MTDH: variants seen among roughly 807,000 people sequenced by gnomAD.
MTDH encodes the protein metadherin.
MTDH carries 34 observed loss-of-function variants against 72.7 expected under a neutral mutation model. That is an observed-to-expected ratio of 0.47 (90% confidence interval 0.36 to 0.62). MTDH has a LOEUF of 0.62. Among genes scored for constraint, MTDH ranks in the 20% least tolerant of loss-of-function variants. MTDH has a pLI of 0.00. For synonymous variants in MTDH, 266 were observed against 268.9 expected (o/e 0.99, Z 0.10); for missense variants, 677 against 699.4 (o/e 0.97, Z 0.36).
At chr8:97,706,184 GTGTAGTA>G (rs1814344235) in intron 7 of MTDH, among the ~76,000 whole-genome samples, 1 of 152,154 alleles carries the variant, frequency 6.6e-6, no homozygotes, top group Non-Finnish European at 1.5e-5. Flanking sequence ...GATAGGAGAG[GTGTAGTA>G]TAAAATGACA....
chr8:97,644,555 G>A lies in MTDH; in HGVS notation c.49G>A (p.Gly17Ser). 1.2e-6 allele frequency: 2 copies of A among 1,602,250 alleles called. No individual in the cohort carries two copies. The highest frequency in any genetic ancestry group is 1.7e-6 in the Non-Finnish European group (2 of 1,177,718). The change falls in exon 1 of 12, where the codon GGC becomes AGC. Residue 17 changes from glycine to serine, a missense_variant. Gly to Ser is a moderately conservative substitution (Grantham distance 56). This residue lies in a region of MTDH where 467 missense variants were observed against 469.1 expected (regional missense o/e 1.00). Coordinates refer to ENST00000336273, the MANE Select transcript of MTDH (RefSeq NM_178812.4). ...CGAGCTGGCCCAGCAGGCCGAGGAGGGCTCGGCCCGGCTGCGGGAAATGCT... is the reference window on the plus strand; with the variant it reads ...CGAGCTGGCCCAGCAGGCCGAGGAGAGCTCGGCCCGGCTGCGGGAAATGCT... Reference protein sequence around the residue: ...QDELAQQAEEGSARLREMLSV... With the variant: ...QDELAQQAEESSARLREMLSV...
At chr8:97,650,161 TTA>T (rs1163478949) in intron 1 of MTDH, among the ~76,000 whole-genome samples, 1 of 147,376 alleles carries the variant, frequency 6.8e-6, no homozygotes, top group Non-Finnish European at 1.5e-5. Context: ...TTTCACCGTG[TTA>T]GCCAGGATGG....
In MTDH at chr8:97,670,617, C is replaced by T. The variant is rs149788019; in HGVS notation, c.483+9444C>T. On this transcript the variant is annotated intron_variant, in intron 2 of 11. Coordinates refer to ENST00000336273, the MANE Select transcript of MTDH (RefSeq NM_178812.4). ...CCAGCCTGGTGACAGAGCGAGACTC[C>T]GTCTCAAAATAAAATAAAAAATAAA... Among the ~76,000 whole-genome samples, 927 of 152,138 alleles carry T rather than the reference C, an allele frequency of 6.1e-3. 6 individuals are homozygous for T. The highest frequency in any genetic ancestry group is 0.012 in the African/African-American group (500 of 41,504).
intron 10 of MTDH, among the ~76,000 whole-genome samples, chr8:97,720,975 A>G (rs1268049677): frequency 1.3e-5 from 2 of 151,956 alleles, no homozygotes; most frequent in African/African-American, 4.8e-5. Flanking sequence ...TTTTTATATT[A>G]AATCATTTTC....
At chr8:97,662,764 C>T (rs1042651638) in intron 2 of MTDH, among the ~76,000 whole-genome samples, 2 of 147,964 alleles carry the variant, frequency 1.4e-5, no homozygotes, top group Admixed American at 1.4e-4. Flanking sequence ...CTAGCCAGGG[C>T]GAAAGAGCGA....
At chr8:97,714,220 A>G (rs760495523) in intron 9 of MTDH, among the ~76,000 whole-genome samples, 2 of 151,982 alleles carry the variant, frequency 1.3e-5, no homozygotes, top group Non-Finnish European at 2.9e-5. Flanking sequence ...CCCAACAGAC[A>G]TTTTCTCTTT....
chr8:97,697,362 C>A (rs1435358304), intron 6 of MTDH, among the ~76,000 whole-genome samples: 4 of 145,944 alleles, frequency 2.7e-5, no homozygotes, highest in Non-Finnish European at 6.0e-5. Flanking sequence ...CTTTCTGGTT[C>A]CAAAATATTA....
At chr8:97,704,781 C>G (rs985758757) in intron 7 of MTDH, among the ~76,000 whole-genome samples, 1 of 151,806 alleles carries the variant, frequency 6.6e-6, no homozygotes, top group Non-Finnish European at 1.5e-5. Context: ...TTAAAACTTT[C>G]ATAAGAATGT....
At chr8:97,713,556 G>T in intron 8 of MTDH, 106 bp from the exon 9 acceptor site, 2 of 604,878 alleles carry the variant, frequency 3.3e-6, no homozygotes, top group South Asian at 2.8e-5. Context: ...TTAGATTTTG[G>T]GAAATGAAGA....
At position 97,715,214 on chromosome 8, in the gene MTDH, C is replaced by T. The variant is rs71514967; in HGVS notation, c.1380+1445C>T. 8.1e-3 allele frequency among the ~76,000 whole-genome samples: 1,231 copies of T among 151,562 alleles called. 12 individuals carry two copies. The highest frequency in any genetic ancestry group is 0.014 in the Non-Finnish European group (955 of 67,922). ...ATAGTCTCACCTCACTGTAACCTGC[C>T]TCTCCCAGGTTCAAGTGATTCTCCT... On this transcript the variant is annotated intron_variant, in intron 9 of 11. Transcript: ENST00000336273.
chr8:97,682,184 A>G (rs527318154), intron 2 of MTDH, among the ~76,000 whole-genome samples: 29 of 122,344 alleles, frequency 2.4e-4, no homozygotes, highest in African/African-American at 9.1e-4. Context: ...TTCATAAGCT[A>G]TTATTTTATT....
chr8:97,717,267 G>A (rs376711403), intron 9 of MTDH, among the ~76,000 whole-genome samples: 15 of 152,156 alleles, frequency 9.9e-5, no homozygotes, highest in African/African-American at 2.6e-4. Context: ...TAAAAAGAAC[G>A]GCCATTTTAT....
chr8:97,690,685 TAGTG>T (rs1437640276), intron 5 of MTDH, among the ~76,000 whole-genome samples: 1 of 152,224 alleles, frequency 6.6e-6, no homozygotes, highest in Admixed American at 6.5e-5. Context: ...TTCATATTCT[TAGTG>T]GGTGAGTATT....
At chr8:97,700,498 C>T (rs990408005) in intron 7 of MTDH, among the ~76,000 whole-genome samples, 2 of 152,082 alleles carry the variant, frequency 1.3e-5, no homozygotes, top group Non-Finnish European at 1.5e-5. Flanking sequence ...TTTCCTTCTC[C>T]AAGTAGAGTT....
At position 97,724,583 on chromosome 8, in the gene MTDH, C is replaced by T; in HGVS notation, c.1679-17C>T. On this transcript the variant is annotated splice_polypyrimidine_tract_variant and intron_variant, in intron 11 of 11. Transcript: ENST00000336273. ...CCTCCTAATTTTTTTCTTCGTTTTC[C>T]CCCTTTTCTTTTTTAGCCAAGTCTG... is the stretch of plus-strand genomic sequence containing the variant. 1 of 1,566,570 alleles carries T rather than the reference C, an allele frequency of 6.4e-7. No homozygotes were observed. Among genetic ancestry groups the T allele is most frequent in the African/African-American group, 1.4e-5 (1 of 72,466 alleles).
intron 6 of MTDH, among the ~76,000 whole-genome samples, chr8:97,695,038 A>T (rs1813775485): frequency 6.6e-6 from 1 of 151,874 alleles, no homozygotes; most frequent in Non-Finnish European, 1.5e-5. Flanking sequence ...GAAATGGTTG[A>T]ATTTTATGGA....
rs187982301 is a variant in MTDH, at chr8:97,710,361, A to C, written c.1273-3301A>C. Reference sequence around the variant, plus strand: ...TAAACAAAAAGCATTTTTCCATAGAAAGTTAAACTACAGTGCTTACTTCAG... The same window carrying C: ...TAAACAAAAAGCATTTTTCCATAGACAGTTAAACTACAGTGCTTACTTCAG... On this transcript the variant is annotated intron_variant, in intron 8 of 11. Transcript: ENST00000336273. Among the ~76,000 whole-genome samples, 452 of 152,268 alleles carry C rather than the reference A, an allele frequency of 3.0e-3. 1 individual carries two copies. The highest frequency in any genetic ancestry group is 0.01 in the African/African-American group (434 of 41,554).
chr8:97,646,545 A>G (rs1285952296), intron 1 of MTDH, among the ~76,000 whole-genome samples: 1 of 152,204 alleles, frequency 6.6e-6, no homozygotes, highest in Non-Finnish European at 1.5e-5. Context: ...TCAAAGCCCT[A>G]TTTGGGACAT....
At position 97,686,757 on chromosome 8, in the gene MTDH, T is replaced by TAAAA. The variant is rs2130999485; in HGVS notation, c.568+5_568+6insAAAA. 1 of 1,589,952 alleles carries TAAAA rather than the reference T, an allele frequency of 6.3e-7. No individual in the cohort carries two copies. Among genetic ancestry groups the TAAAA allele is most frequent in the Non-Finnish European group, 8.6e-7 (1 of 1,167,818 alleles). On this transcript the variant is annotated splice_donor_region_variant and intron_variant, in intron 3 of 11. Transcript: ENST00000336273. Reference sequence around the variant, plus strand: ...ATGGAAAGGAAGTTGATGAAGGTACTTGAGCAAGGGAAAGGACTGTAGAAA... The same window carrying TAAAA: ...ATGGAAAGGAAGTTGATGAAGGTACTAAAATGAGCAAGGGAAAGGACTGTAGAAA...
Sources: gnomAD v4.1 joint callset for allele counts (sites outside exome capture counted in the v4.1 genomes callset) on GRCh38, gnomAD v4.1.1 for gene constraint, gnomAD v4.1.1 regional missense constraint, MANE v1.5 for transcripts, NCBI Gene and HGNC (gene_info 2026-07-23, HGNC 2026-07-21) for gene names.